The following GPM6B variants were observed in gnomAD, a reference collection of about 807,000 sequenced individuals.
GPM6B encodes neuronal membrane glycoprotein M6-b.
Under a neutral mutation model 27.2 loss-of-function variants are expected in GPM6B, and 4 were observed. The observed-to-expected ratio is 0.15, with a 90% CI of 0.07 to 0.34. The LOEUF (loss-of-function observed/expected upper bound fraction) is 0.34. GPM6B is among the 10% of genes least tolerant of loss of function. GPM6B has a pLI of 1.00. For missense variants in GPM6B, 183 were observed against 261.9 expected, an observed-to-expected ratio of 0.70 and a Z score of 2.08; for synonymous variants, 124 against 103.1, an observed-to-expected ratio of 1.20 and a Z score of -1.23.
At chrX:13,936,243 T>C (rs1368319425) in intron 1 of GPM6B, among the ~76,000 whole-genome samples, 1 of 112,364 alleles carries the variant, frequency 8.9e-6, no homozygotes, top group African/African-American at 3.2e-5. Flanking sequence ...GAAAAACCCA[T>C]GTTTTCTTTC....
intron 1 of GPM6B, among the ~76,000 whole-genome samples, chrX:13,891,642 T>C (rs2050189788): frequency 8.9e-6 from 1 of 112,249 alleles, no homozygotes; most frequent in Non-Finnish European, 1.9e-5. Context: ...GTGTTTAATA[T>C]TTGGTGGCAG....
upstream of GPM6B, chrX:13,938,538 G>C (rs1921964707): frequency 5.7e-6 from 5 of 883,633 alleles, no homozygotes; most frequent in South Asian, 6.0e-5. Context: ...AGGGGTGAGG[G>C]CTGCGGGGCG....
chrX:13,772,107 C>T lies in GPM6B; in HGVS notation c.*774G>A, dbSNP rs747245597. The T allele has an allele frequency of 6.2e-5, 7 of 112,097 alleles. No homozygotes were observed. Among genetic ancestry groups the T allele is most frequent in the South Asian group, 3.7e-4 (1 of 2,706 alleles). 9.2% of individuals were successfully genotyped at this position (112,097 alleles called of 1,213,427 possible). ...GATATAAATTCTTAGAAATTTAAAG[C>T]AAATACTCATTAAGGCAAAGCTGAC... On this transcript the variant is annotated 3_prime_UTR_variant, in exon 8 of 8. Transcript: ENST00000316715.
intron 1 of GPM6B, among the ~76,000 whole-genome samples, chrX:13,846,549 G>A (rs2049648476): frequency 9.1e-6 from 1 of 110,039 alleles, no homozygotes; most frequent in Non-Finnish European, 1.9e-5. Flanking sequence ...GGAGTGCAGT[G>A]GCGTGATCTC....
chrX:13,774,092 C>T (rs2048359923), intron 7 of GPM6B: 4 of 750,393 alleles, frequency 5.3e-6, no homozygotes, highest in Non-Finnish European at 6.3e-6. Context: ...AACATATTTG[C>T]AAAGTATTTT....
intron 1 of GPM6B, chrX:13,812,792 T>TC (rs1409788062): frequency 9.0e-6 from 1 of 110,979 alleles, no homozygotes; most frequent in Non-Finnish European, 1.9e-5. Context: ...GGCCCAGAAT[T>TC]CTTTTTCTAA....
At chrX:13,898,682 A>G (rs1391080844) in intron 1 of GPM6B, among the ~76,000 whole-genome samples, 1 of 112,656 alleles carries the variant, frequency 8.9e-6, no homozygotes, top group Non-Finnish European at 1.9e-5. Context: ...TCATTCAACC[A>G]TTGATTTCTT....
At chrX:13,850,975 C>G (rs1286439421) in intron 1 of GPM6B, among the ~76,000 whole-genome samples, 1 of 109,659 alleles carries the variant, frequency 9.1e-6, no homozygotes, top group Non-Finnish European at 1.9e-5. Flanking sequence ...ACCAGCCTGG[C>G]CAACTGGTGA....
chrX:13,900,799 T>C (rs886625161), intron 1 of GPM6B, among the ~76,000 whole-genome samples: 1 of 112,019 alleles, frequency 8.9e-6, no homozygotes, highest in Non-Finnish European at 1.9e-5. Flanking sequence ...CCATCAACTA[T>C]AGTCTCAAGC....
intron 1 of GPM6B, among the ~76,000 whole-genome samples, chrX:13,865,432 A>T (rs1275170430): frequency 9.4e-6 from 1 of 106,137 alleles, no homozygotes; most frequent in African/African-American, 3.4e-5. Context: ...TACAATAGGC[A>T]AAGAAAACCC....
intron 1 of GPM6B, among the ~76,000 whole-genome samples, chrX:13,899,994 A>G (rs2050268155): frequency 8.9e-6 from 1 of 112,375 alleles, no homozygotes; most frequent in Non-Finnish European, 1.9e-5. Context: ...AATCATAAGT[A>G]GAACTTCATT....
chrX:13,771,228 A>G lies in GPM6B; in HGVS notation c.*1653T>C, dbSNP rs1320809434. 2 of 111,914 alleles carry G rather than the reference A, an allele frequency of 1.8e-5. No individual in the cohort carries two copies. Among genetic ancestry groups the G allele is most frequent in the Non-Finnish European group, 3.8e-5 (2 of 53,085 alleles). 9.2% of individuals were successfully genotyped at this position (111,914 alleles called of 1,213,427 possible). A position where few individuals can be genotyped will look rare whatever the true frequency, so the allele number is the denominator to read the frequency against. ...TGGTAATAGCTACCAGAATTAGAAA[A>G]GTAAAATTAGGCTTTAGACACTGCC... On this transcript the variant is annotated 3_prime_UTR_variant, in exon 8 of 8. Transcript: ENST00000316715.
chrX:13,815,563 T>C (rs1317369039), intron 1 of GPM6B, among the ~76,000 whole-genome samples: 3 of 111,251 alleles, frequency 2.7e-5, no homozygotes, highest in African/African-American at 9.8e-5. Context: ...AAAATTAAGG[T>C]GCTATGTACT....
Position 13,785,791 on chromosome X carries a change from T to C in GPM6B, c.199A>G (p.Ile67Val), listed in dbSNP as rs372150817. The C allele has an allele frequency of 3.0e-5, 36 of 1,209,316 alleles. No homozygotes were observed. Among genetic ancestry groups the C allele is most frequent in the Non-Finnish European group, 3.6e-5 (32 of 893,650 alleles). Residue 67 changes from isoleucine to valine, a missense_variant, in exon 3 of 8, where the codon ATC (isoleucine) becomes GTC (valine). Transcript: ENST00000316715. ...TAGGGGACTCCTCCCAGACACTTGA[T>C]GCAGCATTCAAAGCAGCCTGAACCC... ...LSSPGCFECC[I>V]KCLGGVPYAS... is the part of the protein sequence containing the mutation.
chrX:13,832,928 T>C (rs1250475410), intron 1 of GPM6B, among the ~76,000 whole-genome samples: 1 of 112,104 alleles, frequency 8.9e-6, no homozygotes, highest in Non-Finnish European at 1.9e-5. Context: ...AATGTTTTCA[T>C]AGCACAGAAT....
At chrX:13,808,123 A>G (rs773332377) in intron 1 of GPM6B, among the ~76,000 whole-genome samples, 1 of 110,595 alleles carries the variant, frequency 9.0e-6, no homozygotes, top group Non-Finnish European at 1.9e-5. Flanking sequence ...GCACTAACAG[A>G]GCACTATAAT....
At chrX:13,930,407 G>A (rs759833843) in intron 1 of GPM6B, among the ~76,000 whole-genome samples, 4 of 110,719 alleles carry the variant, frequency 3.6e-5, no homozygotes, top group African/African-American at 9.8e-5. Context: ...GAGGTCAGGA[G>A]ATCGAGACCA....
chrX:13,887,702 T>A (rs991043148), intron 1 of GPM6B, among the ~76,000 whole-genome samples: 3 of 111,698 alleles, frequency 2.7e-5, no homozygotes. Context: ...AGAGTGGTGG[T>A]TTTTAAGGAA....
intron 1 of GPM6B, among the ~76,000 whole-genome samples, chrX:13,928,989 T>A (rs1244306667): frequency 8.9e-6 from 1 of 112,010 alleles, no homozygotes; most frequent in African/African-American, 3.2e-5. Context: ...CAGTCCTTTC[T>A]CTTCCAACTC....
Sources: allele counts gnomAD v4.1 joint callset (sites outside exome capture counted in the v4.1 genomes callset), GRCh38; gene constraint gnomAD v4.1.1; transcripts MANE v1.5; gene names NCBI Gene and HGNC (gene_info 2026-07-23, HGNC 2026-07-21).